TENM2: variants seen among roughly 807,000 people sequenced by gnomAD.
TENM2 encodes teneurin-2.
Under a neutral mutation model 245.2 loss-of-function variants are expected in TENM2, and 52 were observed. That is an observed-to-expected ratio of 0.21 (90% CI 0.17 to 0.27). The LOEUF (loss-of-function observed/expected upper bound fraction) is 0.27, where lower values mean the gene tolerates loss of function less well. TENM2 is among the 10% of genes least tolerant of loss of function. The pLI, the probability that TENM2 is intolerant of heterozygous loss-of-function variation, is 1.00. For missense variants in TENM2, 3,046 were observed against 3,666.8 expected (o/e 0.83, Z 4.37); for synonymous variants, 1,363 against 1,438.9 (o/e 0.95, Z 1.19).
chr5:168,125,025 C>T (rs772101674), exon 11 of TENM2: 4 of 1,609,184 alleles, frequency 2.5e-6, no homozygotes, highest in South Asian at 1.1e-5. Context: ...GCGATCCCAA[C>T]TGGATGGGTC....
chr5:167,042,172 A>C, the TENM2 span, among the ~76,000 whole-genome samples: 1 of 152,222 alleles, frequency 6.6e-6, no homozygotes, highest in East Asian at 1.9e-4. Flanking sequence ...CTTCTTTAAT[A>C]TTTTTGACAT....
intron 3 of TENM2, among the ~76,000 whole-genome samples, chr5:167,917,975 A>G (rs554361002): frequency 6.6e-6 from 1 of 152,304 alleles, no homozygotes; most frequent in South Asian, 2.1e-4. Context: ...ATTATAGGTT[A>G]TTATTATTAC....
intron 25 of TENM2, among the ~76,000 whole-genome samples, chr5:168,236,030 C>T (rs1029974639): frequency 6.6e-6 from 1 of 152,166 alleles, no homozygotes; most frequent in African/African-American, 2.4e-5. Context: ...AGACTTCTGC[C>T]TGTATCCTGA....
At chr5:168,071,461 A>T (rs1461275992) in intron 7 of TENM2, among the ~76,000 whole-genome samples, 1 of 152,322 alleles carries the variant, frequency 6.6e-6, no homozygotes, top group South Asian at 2.1e-4. Flanking sequence ...TTTTCTGTTC[A>T]CATATAGTCA....
In TENM2 at chr5:167,609,488, C is replaced by CAAAAAAAAAAAAAA. The variant is rs5873049; in HGVS notation, c.502+234026_502+234039dup. ...TGCCTTTTTTCTTTGCCTGATGATG[C>CAAAAAAAAAAAAAA]AAAAAAAAAAAAAAAAAAAAAAAAC... On this transcript the variant is annotated intron_variant, in intron 2 of 28. Transcript: ENST00000518659. Among the ~76,000 whole-genome samples, 18 of 36,690 alleles carry CAAAAAAAAAAAAAA rather than the reference C, an allele frequency of 4.9e-4. No homozygotes were observed. In the East Asian group the frequency reaches 5.9e-3, roughly 12 times the overall value. 24.1% of individuals were successfully genotyped at this position (36,690 alleles called of 152,430 possible). A position where few individuals can be genotyped will look rare whatever the true frequency, so the allele number is the denominator to read the frequency against.
At chr5:167,042,315 C>T in the TENM2 span, among the ~76,000 whole-genome samples, 1 of 152,056 alleles carries the variant, frequency 6.6e-6, no homozygotes, top group East Asian at 1.9e-4. Context: ...CAGTTTTTTC[C>T]TCATTTGCAA....
rs931929370 is a variant in TENM2 at position 167,902,491 on chromosome 5, G to A, written c.712+26296G>A. ...CTCGGCCCCTAGCTTCTGCCTCCGC[G>A]ACACAGATAACATAACTCACTTCCT... On this transcript the variant is annotated intron_variant, in intron 3 of 28. Transcript: ENST00000518659. Among the ~76,000 whole-genome samples, 46 of 151,986 alleles carry A rather than the reference G, an allele frequency of 3.0e-4. 1 individual carries two copies. The highest frequency in any genetic ancestry group is 9.7e-4 in the African/African-American group (40 of 41,362).
chr5:167,503,830 G>A (rs1375078598), intron 2 of TENM2, among the ~76,000 whole-genome samples: 2 of 152,154 alleles, frequency 1.3e-5, no homozygotes, highest in Admixed American at 6.6e-5. Flanking sequence ...GGAGGCAGAG[G>A]TTGCAGTGAG....
At chr5:168,180,685 C>T (rs1033299215) in intron 13 of TENM2, among the ~76,000 whole-genome samples, 1 of 152,184 alleles carries the variant, frequency 6.6e-6, no homozygotes, top group Admixed American at 6.5e-5. Flanking sequence ...CACCTGAAGT[C>T]AGGAGTTCGA....
the TENM2 span, among the ~76,000 whole-genome samples, chr5:167,169,082 A>C: frequency 6.6e-6 from 1 of 152,164 alleles, no homozygotes; most frequent in African/African-American, 2.4e-5. Flanking sequence ...TAATAATAAC[A>C]GTAAATTAAT....
intron 1 of TENM2, among the ~76,000 whole-genome samples, chr5:167,314,331 T>G (rs1756222769): frequency 6.6e-6 from 1 of 152,174 alleles, no homozygotes; most frequent in African/African-American, 2.4e-5. Context: ...TTTCATTAAG[T>G]AGGTTGTTAA....
intron 2 of TENM2, among the ~76,000 whole-genome samples, chr5:167,460,538 G>T (rs1200239774): frequency 6.6e-6 from 1 of 151,800 alleles, no homozygotes; most frequent in Admixed American, 6.6e-5. Flanking sequence ...ACTCTCCATA[G>T]TTCTTAACAT....
At chr5:166,999,697 G>A in the TENM2 span, among the ~76,000 whole-genome samples, 1 of 152,258 alleles carries the variant, frequency 6.6e-6, no homozygotes, top group African/African-American at 2.4e-5. Flanking sequence ...ATGGTGAGCA[G>A]CATTCATCAG....
intron 2 of TENM2, among the ~76,000 whole-genome samples, chr5:167,504,739 A>G (rs1024621968): frequency 6.6e-6 from 1 of 152,202 alleles, no homozygotes; most frequent in Non-Finnish European, 1.5e-5. Flanking sequence ...TTCCAGAAGT[A>G]ATGTTACTGC....
chr5:168,181,925 C>T (rs1224960185), intron 13 of TENM2, among the ~76,000 whole-genome samples: 1 of 151,838 alleles, frequency 6.6e-6, no homozygotes, highest in Non-Finnish European at 1.5e-5. Flanking sequence ...GATCCACCTG[C>T]CTCAGCCGCC....
chr5:168,063,127 A>G (rs1214177010), intron 7 of TENM2, among the ~76,000 whole-genome samples: 1 of 152,204 alleles, frequency 6.6e-6, no homozygotes, highest in Non-Finnish European at 1.5e-5. Flanking sequence ...TGTTCTGGTT[A>G]TTGGATTAAT....
At chr5:168,139,850 C>T (rs1027256240) in intron 12 of TENM2, among the ~76,000 whole-genome samples, 1 of 152,140 alleles carries the variant, frequency 6.6e-6, no homozygotes, top group Non-Finnish European at 1.5e-5. Flanking sequence ...CCTAGTCTTC[C>T]CCAAATTTCC....
At chr5:167,113,074 G>C in the TENM2 span, among the ~76,000 whole-genome samples, 2 of 152,196 alleles carry the variant, frequency 1.3e-5, no homozygotes, top group Admixed American at 6.5e-5. Context: ...CAAAAATGCA[G>C]TTTCAGGTAA....
intron 2 of TENM2, among the ~76,000 whole-genome samples, chr5:167,642,583 A>G (rs775016465): frequency 2.0e-5 from 3 of 152,156 alleles, no homozygotes; most frequent in Non-Finnish European, 4.4e-5. Context: ...AGCCTTTATT[A>G]CCTATACGAT....
Sources: allele counts gnomAD v4.1 joint callset (sites outside exome capture counted in the v4.1 genomes callset), GRCh38; gene constraint gnomAD v4.1.1; transcripts MANE v1.5; gene names NCBI Gene and HGNC (gene_info 2026-07-23, HGNC 2026-07-21).